Variants in SPATA13 observed in about 807,000 individuals in gnomAD.
SPATA13 encodes spermatogenesis associated 13.
In SPATA13, 50 loss-of-function variants were observed where a neutral mutation model predicts 104.0. The ratio of observed to expected loss-of-function variants is 0.48; its 90% CI spans 0.38 to 0.61. The LOEUF is 0.61. Ranked by LOEUF, SPATA13 falls within the 20% of genes least tolerant of loss-of-function variation. The pLI, the probability that SPATA13 is intolerant of heterozygous loss-of-function variation, is 0.00. For missense variants in SPATA13, 1,524 were observed against 1,690.6 expected, an observed-to-expected ratio of 0.90 and a Z score of 1.73; for synonymous variants, 606 against 667.5, an observed-to-expected ratio of 0.91 and a Z score of 1.42.
chr13:24,009,789 T>C (rs1814384179), intron 2 of SPATA13, among the ~76,000 whole-genome samples: 1 of 152,218 alleles, frequency 6.6e-6, no homozygotes, highest in Admixed American at 6.5e-5. Flanking sequence ...GGTCTGTTGA[T>C]GTTAACTCTG....
intron 1 of SPATA13, among the ~76,000 whole-genome samples, chr13:24,198,999 A>G (rs886389464): frequency 2.2e-4 from 30 of 137,334 alleles, no homozygotes; most frequent in Non-Finnish European, 3.3e-4. Flanking sequence ...CCCAGTCTGG[A>G]GTGCAGTGGT....
chr13:24,111,200 C>T (rs1247576967), intron 3 of SPATA13, among the ~76,000 whole-genome samples: 2 of 152,006 alleles, frequency 1.3e-5, no homozygotes, highest in African/African-American at 4.8e-5. Context: ...TGAGCCACCA[C>T]ACACAGCCAA....
In SPATA13 at chr13:24,011,743, C is replaced by G. The variant is rs1346112274; in HGVS notation, c.-146-5924C>G. Among the ~76,000 whole-genome samples, 2 of 152,198 alleles carry G rather than the reference C, an allele frequency of 1.3e-5. No homozygotes were observed. The highest frequency in any genetic ancestry group is 4.8e-5 in the African/African-American group (2 of 41,426). On this transcript the variant is annotated intron_variant, in intron 2 of 14. Coordinates refer to the SPATA13 transcript ENST00000424834. This position sits in a 1 kb window ranked among gnomAD's most constrained non-coding sequence, Gnocchi z 4.3. ...AACATCCTTCCTGGCAGGGGGCATG[C>G]AGAGAACATAGTCTTCAGCTCTGGC... is the stretch of plus-strand genomic sequence containing the variant.
intron 3 of SPATA13, among the ~76,000 whole-genome samples, chr13:24,032,653 G>C (rs1877525265): frequency 6.6e-6 from 1 of 152,168 alleles, no homozygotes; most frequent in East Asian, 1.9e-4. Context: ...TAGAGTTTCA[G>C]AAACATGGGA....
chr13:24,160,241 T>G (rs1882413082), upstream of SPATA13, among the ~76,000 whole-genome samples: 1 of 151,928 alleles, frequency 6.6e-6, no homozygotes, highest in Non-Finnish European at 1.5e-5. Flanking sequence ...GAGGGAACTA[T>G]TTTTGTTTGT....
intron 2 of SPATA13, among the ~76,000 whole-genome samples, chr13:23,988,504 G>A (rs1160310250): frequency 1.3e-5 from 2 of 152,208 alleles, no homozygotes; most frequent in Non-Finnish European, 2.9e-5. Context: ...GTGCAAGCAT[G>A]TTGGTCAATC....
At chr13:24,185,030 G>A (rs984784718) in intron 1 of SPATA13, among the ~76,000 whole-genome samples, 3 of 152,180 alleles carry the variant, frequency 2.0e-5, no homozygotes, top group Non-Finnish European at 2.9e-5. Flanking sequence ...TGAAAGGCAC[G>A]TGTATCGAGC....
chr13:24,249,053 A>G (rs1873324863), intron 2 of SPATA13, among the ~76,000 whole-genome samples: 1 of 152,102 alleles, frequency 6.6e-6, no homozygotes, highest in South Asian at 2.1e-4. Context: ...TATTTTTGGT[A>G]GAGATGGGGT....
intron 8 of SPATA13, among the ~76,000 whole-genome samples, 175 bp from the exon 9 acceptor site, chr13:24,290,477 G>A (rs980251298): frequency 4.6e-5 from 7 of 152,088 alleles, no homozygotes; most frequent in African/African-American, 7.2e-5. Flanking sequence ...TAACGCTTGC[G>A]GAAACCATGG....
At position 24,105,182 on chromosome 13, in the gene SPATA13, G is replaced by T. The variant is rs569680445; in HGVS notation, c.-112+87481G>T. The stretch of plus-strand genomic sequence containing the variant: ...CTGTTGCCCAGGCTGGAGTGCAGTG[G>T]CATGATCATGGCTCACTGCAACCTC... On this transcript the variant is annotated intron_variant, in intron 3 of 14. Coordinates refer to the SPATA13 transcript ENST00000424834. Among the ~76,000 whole-genome samples the T allele has an allele frequency of 8.5e-5, 13 of 152,282 alleles. No homozygotes were observed. In the South Asian group the frequency reaches 2.5e-3, roughly 29 times the overall value.
chr13:24,220,401 A>G (rs1425147241), intron 1 of SPATA13, among the ~76,000 whole-genome samples: 1 of 152,194 alleles, frequency 6.6e-6, no homozygotes, highest in Non-Finnish European at 1.5e-5. Flanking sequence ...GAAGACCATT[A>G]CTACTAATGT....
At chr13:24,130,307 C>T (rs1175090400) in intron 3 of SPATA13, among the ~76,000 whole-genome samples, 2 of 152,170 alleles carry the variant, frequency 1.3e-5, no homozygotes, top group Admixed American at 6.5e-5. Flanking sequence ...CAGTTCTTCT[C>T]GTTCCCAGTG....
intron 4 of SPATA13, among the ~76,000 whole-genome samples, chr13:24,253,795 C>T (rs1873637294): frequency 6.6e-6 from 1 of 152,018 alleles, no homozygotes; most frequent in South Asian, 2.1e-4. Context: ...GCACCAGAAG[C>T]CCAAAGACAG....
rs1882485727 is a variant in SPATA13 at position 24,161,387 on chromosome 13, C to T, written c.-112+455C>T. On this transcript the variant is annotated intron_variant, in intron 1 of 12. Coordinates refer to ENST00000382108, the MANE Select transcript of SPATA13 (RefSeq NM_001166271.3). This position sits in a 1 kb window ranked among gnomAD's most constrained non-coding sequence, Gnocchi z 4.5. ...TGGCGTGGCTGGTGCCTCCGGGGAC[C>T]CGGAGCGATGCGGTTGGAGAGCTTA... Among the ~76,000 whole-genome samples the T allele has an allele frequency of 6.6e-6, 1 of 152,174 alleles. No individual in the cohort carries two copies. The highest frequency in any genetic ancestry group is 1.5e-5 in the Non-Finnish European group (1 of 68,028).
chr13:24,173,266 AT>A (rs1883060607), intron 1 of SPATA13, among the ~76,000 whole-genome samples: 1 of 151,796 alleles, frequency 6.6e-6, no homozygotes, highest in Non-Finnish European at 1.5e-5. Context: ...TTTAGTAGAG[AT>A]GGGGTTTTGC....
chr13:24,171,292 CGAAG>C (rs1358080311), intron 1 of SPATA13, among the ~76,000 whole-genome samples: 2 of 152,070 alleles, frequency 1.3e-5, no homozygotes, highest in Non-Finnish European at 2.9e-5. Flanking sequence ...TTTCAAGAGA[CGAAG>C]GAAGATGGTG....
At chr13:24,227,915 T>A (rs191098733) in intron 2 of SPATA13, among the ~76,000 whole-genome samples, 3 of 151,956 alleles carry the variant, frequency 2.0e-5, no homozygotes, top group Admixed American at 2.0e-4. Context: ...GTACTTTTGT[T>A]TTCTTGAGAT....
intron 3 of SPATA13, among the ~76,000 whole-genome samples, chr13:24,022,534 C>T (rs181265771): frequency 3.3e-4 from 50 of 152,278 alleles, no homozygotes; most frequent in African/African-American, 1.1e-3. Flanking sequence ...CTTCTGATCT[C>T]TTACAAAATA....
chr13:24,053,383 T>C (rs930816286), intron 3 of SPATA13, among the ~76,000 whole-genome samples: 1 of 152,290 alleles, frequency 6.6e-6, no homozygotes, highest in Admixed American at 6.5e-5. Context: ...CATGGCTGAT[T>C]CACGTGGAGT....
Sources: gnomAD v4.1 joint callset for allele counts (sites outside exome capture counted in the v4.1 genomes callset) on GRCh38, gnomAD v4.1.1 for gene constraint, Gnocchi (gnomAD v3.1) non-coding constraint, MANE v1.5 for transcripts, NCBI Gene and HGNC (gene_info 2026-07-23, HGNC 2026-07-21) for gene names.